Variants in CAMTA1 observed in about 807,000 individuals in gnomAD.
CAMTA1 encodes calmodulin binding transcription activator 1.
A neutral mutation model predicts 170.9 loss-of-function variants in CAMTA1; 27 were observed. The ratio of observed to expected loss-of-function variants is 0.16; its 90% confidence interval spans 0.12 to 0.22. The LOEUF (loss-of-function observed/expected upper bound fraction) is 0.22. CAMTA1 is among the 10% of genes least tolerant of loss of function. The pLI is 1.00. For missense variants in CAMTA1, 1,619 were observed against 2,217.2 expected, an observed-to-expected ratio of 0.73 and a Z score of 5.42; for synonymous variants, 833 against 891.5, an observed-to-expected ratio of 0.93 and a Z score of 1.17.
chr1:7,708,223 C>T (rs1248897761), intron 11 of CAMTA1, among the ~76,000 whole-genome samples: 1 of 152,102 alleles, frequency 6.6e-6, no homozygotes, highest in Non-Finnish European at 1.5e-5. Flanking sequence ...CCCAGCTACT[C>T]AGGAGGCTGA....
At chr1:7,701,024 CT>C (rs1577000799) in intron 11 of CAMTA1, 1 of 152,220 alleles carries the variant, frequency 6.6e-6, no homozygotes, top group Non-Finnish European at 1.5e-5. Context: ...GAGTGAGATC[CT>C]GTCTCAAAAA....
Position 7,570,074 on chromosome 1 carries a change from G to A in CAMTA1, c.511-70326G>A, listed in dbSNP as rs538193683. 6.6e-6 allele frequency among the ~76,000 whole-genome samples: 1 copy of A among 152,262 alleles called. No homozygotes were observed. The highest frequency in any genetic ancestry group is 2.1e-4 in the South Asian group (1 of 4,822). On this transcript the variant is annotated intron_variant, in intron 6 of 22. Coordinates refer to ENST00000303635, the MANE Select transcript of CAMTA1 (RefSeq NM_015215.4). The surrounding 1 kb of genome is among the most constrained non-coding windows in gnomAD (Gnocchi z 4.3). ...AATGGCTTTTGCTTTGATCATTAGG[G>A]GTCCTGGGAGGCCTTGGGGCCGTCT...
chr1:6,812,884 T>C (rs1223489469), intron 1 of CAMTA1, among the ~76,000 whole-genome samples: 3 of 152,218 alleles, frequency 2.0e-5, no homozygotes, highest in Non-Finnish European at 4.4e-5. Context: ...TCCAGCTACT[T>C]GTTTGCTTTT....
intron 3 of CAMTA1, among the ~76,000 whole-genome samples, chr1:6,917,104 G>A (rs1680970908): frequency 6.6e-6 from 1 of 152,308 alleles, no homozygotes; most frequent in South Asian, 2.1e-4. Flanking sequence ...CCAGGCAGAG[G>A]GAGTTGCCCT....
At position 7,609,469 on chromosome 1, in the gene CAMTA1, A is replaced by C. The variant is rs1198296317; in HGVS notation, c.511-30931A>C. 6.6e-6 allele frequency among the ~76,000 whole-genome samples: 1 copy of C among 152,096 alleles called. No homozygotes were observed. Among genetic ancestry groups the C allele is most frequent in the Non-Finnish European group, 1.5e-5 (1 of 68,024 alleles). ...AGCCCCTCAGTGAGGGCAGCAGAGC[A>C]GCAGCCAGAAGGCAAGCCCTGGCCC... On this transcript the variant is annotated intron_variant, in intron 6 of 22. Transcript: ENST00000303635. The surrounding 1 kb of genome is among the most constrained non-coding windows in gnomAD (Gnocchi z 4.4).
Position 7,565,496 on chromosome 1 carries a change from CAG to C in CAMTA1, c.511-74903_511-74902del, listed in dbSNP as rs2095029049. ...AGAGGGCTTGGCTGAGTGTCCACAT[CAG>C]GGGCTGGGCTTTCCGCAGAGAGCCT... On this transcript the variant is annotated intron_variant, in intron 6 of 22. Transcript: ENST00000303635. This position sits in a 1 kb window ranked among gnomAD's most constrained non-coding sequence, Gnocchi z 4.5. Among the ~76,000 whole-genome samples the C allele has an allele frequency of 6.6e-6, 1 of 152,170 alleles. No individual in the cohort carries two copies. The highest frequency in any genetic ancestry group is 2.1e-4 in the South Asian group (1 of 4,832).
chr1:7,731,840 T>C (rs2096735863), intron 11 of CAMTA1, among the ~76,000 whole-genome samples: 1 of 152,120 alleles, frequency 6.6e-6, no homozygotes, highest in African/African-American at 2.4e-5. Context: ...ATCACACCAA[T>C]GCACTCCAGT....
intron 11 of CAMTA1, among the ~76,000 whole-genome samples, chr1:7,727,454 G>A (rs2096698297): frequency 6.6e-6 from 1 of 152,182 alleles, no homozygotes; most frequent in East Asian, 1.9e-4. Context: ...CTCCAGGTTT[G>A]TTCGGGCTGC....
chr1:7,357,294 C>T (rs1278261191), intron 5 of CAMTA1, among the ~76,000 whole-genome samples: 1 of 152,238 alleles, frequency 6.6e-6, no homozygotes, highest in Non-Finnish European at 1.5e-5. Flanking sequence ...AGCCCAGGAC[C>T]CAACCTCCCT....
At chr1:7,727,365 A>C (rs1275227774) in intron 11 of CAMTA1, among the ~76,000 whole-genome samples, 3 of 152,186 alleles carry the variant, frequency 2.0e-5, no homozygotes, top group Middle Eastern at 3.4e-3. Context: ...CTTGTGATCC[A>C]CCTGCCTCGG....
At position 6,887,686 on chromosome 1, in the gene CAMTA1, A is replaced by G; in HGVS notation, c.234+62476A>G. ...CCACACACTTGTTCATGGGCGCAGC[A>G]AAGAAGAGGGATCCACAGAGCTGGA... On this transcript the variant is annotated intron_variant, in intron 3 of 22. Coordinates refer to ENST00000303635, the MANE Select transcript of CAMTA1 (RefSeq NM_015215.4). The surrounding 1 kb of genome is among the most constrained non-coding windows in gnomAD (Gnocchi z 4.1). 1 of 1,535,366 alleles carries G rather than the reference A, an allele frequency of 6.5e-7. No homozygotes were observed. The highest frequency in any genetic ancestry group is 8.7e-7 in the Non-Finnish European group (1 of 1,146,664).
chr1:7,467,930 T>G (rs1356009537), intron 6 of CAMTA1, 29 bp downstream of exon 6: 1 of 1,587,014 alleles, frequency 6.3e-7, no homozygotes, highest in African/African-American at 1.3e-5. Context: ...ATTCTTCTTC[T>G]GTCTCTGGTG....
intron 22 of CAMTA1, 41 bp downstream of exon 22, chr1:7,755,709 AT>A: frequency 6.3e-7 from 1 of 1,592,628 alleles, no homozygotes; most frequent in Non-Finnish European, 8.6e-7. Context: ...CTTCTCTTCC[AT>A]TTTCAGTATT....
intron 5 of CAMTA1, among the ~76,000 whole-genome samples, chr1:7,418,827 C>G (rs1367914569): frequency 6.6e-6 from 1 of 152,184 alleles, no homozygotes; most frequent in Non-Finnish European, 1.5e-5. Flanking sequence ...CTCCACCCCA[C>G]TCAGTGCAGC....
At chr1:7,541,857 C>G (rs1362107555) in intron 6 of CAMTA1, among the ~76,000 whole-genome samples, 4 of 143,820 alleles carry the variant, frequency 2.8e-5, no homozygotes, top group Non-Finnish European at 6.1e-5. Flanking sequence ...ATGCGCTGAC[C>G]ACACTGACGT....
chr1:7,290,837 A>G (rs1387250071), intron 5 of CAMTA1, among the ~76,000 whole-genome samples: 1 of 151,940 alleles, frequency 6.6e-6, no homozygotes, highest in Non-Finnish European at 1.5e-5. Context: ...TTCCATCGAT[A>G]CTTTTACCAA....
intron 6 of CAMTA1, among the ~76,000 whole-genome samples, chr1:7,582,811 G>A (rs1273545171): frequency 6.6e-6 from 1 of 151,818 alleles, no homozygotes; most frequent in Non-Finnish European, 1.5e-5. Flanking sequence ...AGCTGTCCAG[G>A]CAGCTGTGCA....
chr1:6,931,807 T>C (rs1405149631), intron 3 of CAMTA1, among the ~76,000 whole-genome samples: 1 of 152,200 alleles, frequency 6.6e-6, no homozygotes, highest in Admixed American at 6.5e-5. Flanking sequence ...CATATCTTTG[T>C]TCCCTGGGGA....
At chr1:6,977,183 C>T (rs983413510) in intron 3 of CAMTA1, among the ~76,000 whole-genome samples, 1 of 152,124 alleles carries the variant, frequency 6.6e-6, no homozygotes, top group African/African-American at 2.4e-5. Context: ...AAGTTGCAAC[C>T]TGCGGAGGAC....
Sources: allele counts gnomAD v4.1 joint callset (sites outside exome capture counted in the v4.1 genomes callset), GRCh38; gene constraint gnomAD v4.1.1; non-coding constraint Gnocchi (gnomAD v3.1); transcripts MANE v1.5; gene names NCBI Gene and HGNC (gene_info 2026-07-23, HGNC 2026-07-21).